Variants in NFIB observed in about 807,000 individuals in gnomAD.
The protein encoded by NFIB is nuclear factor 1 B-type.
In NFIB, 11 loss-of-function variants were observed where a neutral mutation model predicts 61.5. That is an observed-to-expected ratio of 0.18 (90% CI 0.11 to 0.30). NFIB has a LOEUF of 0.30. Among genes scored for constraint, NFIB ranks in the 10% least tolerant of loss-of-function variants. The pLI is 1.00. For synonymous variants in NFIB, 260 were observed against 216.5 expected (o/e 1.20, Z -1.76); for missense variants, 471 against 608.9 (o/e 0.77, Z 2.38).
At chr9:14,345,286 G>T (rs1323845943) in intron 1 of NFIB, among the ~76,000 whole-genome samples, 1 of 152,164 alleles carries the variant, frequency 6.6e-6, no homozygotes, top group East Asian at 1.9e-4. Context: ...ATAGGTTCTA[G>T]TGCAAAGGAG....
the NFIB span, among the ~76,000 whole-genome samples, chr9:14,423,646 G>A: frequency 6.6e-6 from 1 of 152,124 alleles, no homozygotes; most frequent in Non-Finnish European, 1.5e-5. Context: ...TGTCCCTTGA[G>A]TTTTGATTAT....
At chr9:14,462,772 T>A in the NFIB span, among the ~76,000 whole-genome samples, 1 of 152,240 alleles carries the variant, frequency 6.6e-6, no homozygotes, top group African/African-American at 2.4e-5. Flanking sequence ...GCCTCTAGGC[T>A]CATATAATAG....
At chr9:14,450,987 A>T in the NFIB span, among the ~76,000 whole-genome samples, 3 of 152,242 alleles carry the variant, frequency 2.0e-5, no homozygotes, top group African/African-American at 7.2e-5. Context: ...AACGAGACTC[A>T]CAGAAATCTG....
Position 14,151,823 on chromosome 9 carries a change from C to A in NFIB, c.686-1558G>T, listed in dbSNP as rs892553756. 9.2e-5 allele frequency among the ~76,000 whole-genome samples: 14 copies of A among 152,174 alleles called. No individual in the cohort carries two copies. The East Asian group carries it at 2.5e-3, about 27-fold the overall frequency. On this transcript the variant is annotated intron_variant, in intron 4 of 10. Transcript: ENST00000380953. ...GCTCACACGAAATTGTACTCTGGGGCTTTGCAACAAAATTCTAGAGCCCCT... is the reference window on the plus strand; with the variant it reads ...GCTCACACGAAATTGTACTCTGGGGATTTGCAACAAAATTCTAGAGCCCCT...
chr9:14,154,941 G>A (rs2043233592), intron 4 of NFIB, among the ~76,000 whole-genome samples: 1 of 152,036 alleles, frequency 6.6e-6, no homozygotes, highest in East Asian at 1.9e-4. Flanking sequence ...TCTTATTCAT[G>A]ACCTCTAAAT....
intron 1 of NFIB, among the ~76,000 whole-genome samples, chr9:14,382,721 A>T (rs2061503286): frequency 6.6e-6 from 1 of 152,102 alleles, no homozygotes; most frequent in South Asian, 2.1e-4. Flanking sequence ...TGTGTCTATC[A>T]ATAGGATAAC....
At position 14,310,623 on chromosome 9, in the gene NFIB, T is replaced by A. The variant is rs772901268; in HGVS notation, c.30+2859A>T. 3.3e-5 allele frequency among the ~76,000 whole-genome samples: 5 copies of A among 152,170 alleles called. No individual in the cohort carries two copies. The South Asian group carries it at 1.0e-3, about 32-fold the overall frequency. Reference sequence around the variant, plus strand: ...GGATTATTACAATAGCATTAAGCAATCATAAATTCTTTAAAAAAAGCAAAA... The same window carrying A: ...GGATTATTACAATAGCATTAAGCAAACATAAATTCTTTAAAAAAAGCAAAA... On this transcript the variant is annotated intron_variant, in intron 1 of 10. Transcript: ENST00000380953.
intron 2 of NFIB, among the ~76,000 whole-genome samples, chr9:14,190,553 A>G (rs2047837455): frequency 6.6e-6 from 1 of 152,206 alleles, no homozygotes; most frequent in African/African-American, 2.4e-5. Flanking sequence ...TTCAAGGCAA[A>G]AGTTAATATA....
intron 2 of NFIB, among the ~76,000 whole-genome samples, chr9:14,290,318 C>T (rs2059005631): frequency 6.6e-6 from 1 of 152,042 alleles, no homozygotes; most frequent in African/African-American, 2.4e-5. Context: ...TTTCTCCGCA[C>T]TTTAGGCATA....
intron 2 of NFIB, among the ~76,000 whole-genome samples, chr9:14,202,159 C>CACAA (rs2049111700): frequency 6.6e-6 from 1 of 151,028 alleles, no homozygotes; most frequent in Admixed American, 6.6e-5. Flanking sequence ...CACACACACA[C>CACAA]ACACAAAGAT....
intron 1 of NFIB, among the ~76,000 whole-genome samples, chr9:14,341,116 A>G (rs1383098822): frequency 6.6e-6 from 1 of 152,224 alleles, no homozygotes; most frequent in Non-Finnish European, 1.5e-5. Context: ...AGAAGAATGC[A>G]AGACAGGGCT....
chr9:14,104,097 G>A (rs925958973), intron 10 of NFIB, among the ~76,000 whole-genome samples: 15 of 151,816 alleles, frequency 9.9e-5, no homozygotes, highest in Non-Finnish European at 1.5e-5. Flanking sequence ...TTTGTTAGTA[G>A]AGATGGGGTT....
At chr9:14,516,897 A>G in the NFIB span, among the ~76,000 whole-genome samples, 1 of 152,236 alleles carries the variant, frequency 6.6e-6, no homozygotes. Context: ...TGAGCACCAG[A>G]TTGCTTTGGG....
intron 1 of NFIB, among the ~76,000 whole-genome samples, chr9:14,337,631 C>T (rs2060900399): frequency 6.6e-6 from 1 of 152,218 alleles, no homozygotes; most frequent in African/African-American, 2.4e-5. Context: ...CCTGAGTTGG[C>T]ATTTGGAGCC....
At chr9:14,484,343 T>C in the NFIB span, among the ~76,000 whole-genome samples, 1 of 152,234 alleles carries the variant, frequency 6.6e-6, no homozygotes, top group Non-Finnish European at 1.5e-5. Context: ...TTTAACTCTT[T>C]GCTTTGGATT....
At chr9:14,528,380 C>A in the NFIB span, among the ~76,000 whole-genome samples, 1 of 152,046 alleles carries the variant, frequency 6.6e-6, no homozygotes, top group Admixed American at 6.5e-5. Context: ...GATTTTCTTT[C>A]AAGACAAATA....
intron 6 of NFIB, among the ~76,000 whole-genome samples, chr9:14,131,974 C>T (rs926223564): frequency 3.3e-5 from 5 of 152,052 alleles, no homozygotes; most frequent in Non-Finnish European, 5.9e-5. Flanking sequence ...CCAATATGCT[C>T]GAGTAGATTA....
chr9:14,511,194 G>A, the NFIB span, among the ~76,000 whole-genome samples: 1 of 151,966 alleles, frequency 6.6e-6, no homozygotes, highest in Non-Finnish European at 1.5e-5. Flanking sequence ...CAATTTTATA[G>A]AAGAAAAAAG....
the NFIB span, among the ~76,000 whole-genome samples, chr9:14,515,862 C>T: frequency 6.6e-6 from 1 of 152,192 alleles, no homozygotes; most frequent in Non-Finnish European, 1.5e-5. Flanking sequence ...CCATGCTGCC[C>T]GACCTCATTC....
Sources: gnomAD v4.1 joint callset for allele counts (sites outside exome capture counted in the v4.1 genomes callset) on GRCh38, gnomAD v4.1.1 for gene constraint, MANE v1.5 for transcripts, NCBI Gene and HGNC (gene_info 2026-07-23, HGNC 2026-07-21) for gene names.